The following RGPD1 variants were observed in gnomAD, a reference collection of about 807,000 sequenced individuals.
RGPD1 encodes RANBP2-like and GRIP domain-containing protein 1.
A neutral mutation model predicts 40.6 loss-of-function variants in RGPD1; 7 were observed. That is an observed-to-expected ratio of 0.17 (90% CI 0.10 to 0.32). RGPD1 has a LOEUF of 0.32. RGPD1 is among the 10% of genes least tolerant of loss of function. The probability of loss-of-function intolerance (pLI) is 1.00; values close to 1 mark genes in which losing one functional copy is unlikely to be tolerated. For synonymous variants in RGPD1, 24 were observed against 167.0 expected, an observed-to-expected ratio of 0.14 and a Z score of 6.60; for missense variants, 50 against 472.5, an observed-to-expected ratio of 0.11 and a Z score of 8.29.
chr2:86,962,507 C>CA (rs61486857), intron 6 of RGPD1, among the ~76,000 whole-genome samples: 307 of 29,816 alleles, frequency 0.01, 16 homozygotes, highest in Admixed American at 0.013. Context: ...GACTCTGTCT[C>CA]AAAAAAAAAA....
At chr2:86,942,356 GGCCTCGACCTGGCCGGGCGGC>G (rs1219011056) in intron 1 of RGPD1, 48 bp downstream of exon 1, 3 of 1,377,410 alleles carry the variant, frequency 2.2e-6, no homozygotes, top group Admixed American at 4.7e-5. Flanking sequence ...GCCGGGCGGC[GGCCTCGACCTGGCCGGGCGGC>G]GGCCTCGACC....
At chr2:86,929,950 C>G (rs1678799064) in intron 1 of RGPD1, among the ~76,000 whole-genome samples, 1 of 141,498 alleles carries the variant, frequency 7.1e-6, no homozygotes, top group Non-Finnish European at 1.6e-5. Context: ...GTCCCCTTCA[C>G]TGGAAGACAG....
Position 86,933,364 on chromosome 2 carries a change from T to C in RGPD1, c.73-17932T>C, listed in dbSNP as rs747968392. Among the ~76,000 whole-genome samples the C allele has an allele frequency of 6.0e-5, 9 of 150,800 alleles. 1 individual carries two copies. The Middle Eastern group carries it at 0.01, about 176-fold the overall frequency. ...GTATAAAACAACTAAAAATTAAATA[T>C]AGTCTTTAGAAATGATTTTGTTTAG... On this transcript the variant is annotated intron_variant, in intron 1 of 22. Transcript: ENST00000398193.
intron 1 of RGPD1, 81 bp downstream of exon 1, chr2:86,942,389 G>A: frequency 9.8e-7 from 1 of 1,019,202 alleles, no homozygotes; most frequent in Non-Finnish European, 1.2e-6. Context: ...GCCTCGACCT[G>A]GCCGGGCGGC....
chr2:86,914,195 CCTCGGCCTGGCCG>C (rs1454952254), intron 1 of RGPD1, among the ~76,000 whole-genome samples: 29 of 59,720 alleles, frequency 4.9e-4, no homozygotes, highest in African/African-American at 1.1e-3. Context: ...GCGGCGGCGG[CCTCGGCCTGGCCG>C]GGCGGCGGCG....
At chr2:86,925,621 G>GA (rs1372666603) in intron 1 of RGPD1, among the ~76,000 whole-genome samples, 1 of 151,644 alleles carries the variant, frequency 6.6e-6, no homozygotes, top group Non-Finnish European at 1.5e-5. Context: ...GTATATACAG[G>GA]AAAAAAAATG....
intron 1 of RGPD1, among the ~76,000 whole-genome samples, chr2:86,943,763 C>A (rs1680106318): frequency 1.3e-5 from 2 of 152,162 alleles, no homozygotes; most frequent in Admixed American, 1.3e-4. Context: ...GTAATCCCAC[C>A]ACTTTGGGAG....
intron 1 of RGPD1, among the ~76,000 whole-genome samples, chr2:86,924,490 G>A (rs1309727637): frequency 3.3e-5 from 5 of 149,888 alleles, no homozygotes; most frequent in African/African-American, 9.7e-5. Context: ...TTTAAGAGAC[G>A]GGGTGTCACT....
Position 86,986,858 on chromosome 2 carries a change from AAGAG to A in RGPD1, c.3965_3968del (p.Arg1322MetfsTer14). 4.6e-6 allele frequency: 7 copies of A among 1,536,680 alleles called. No individual in the cohort carries two copies. The highest frequency in any genetic ancestry group is 4.6e-5 in the East Asian group (2 of 43,418). On this transcript the variant is annotated frameshift_variant, in exon 20 of 23. Coordinates refer to ENST00000641458, the MANE Select transcript of RGPD1 (RefSeq NM_001382344.1). LOFTEE classifies it high-confidence loss of function. ...GAAGAATCTGATGTTACTCAAGAAG[AAGAG>A]AGAGATGGACAGTACTTTGAACCTG...
In RGPD1 at chr2:86,930,190, G is replaced by A. The variant is rs1426220504; in HGVS notation, c.72+16269G>A. 1.4e-6 allele frequency: 2 copies of A among 1,446,262 alleles called. 1 individual carries two copies. Among genetic ancestry groups the A allele is most frequent in the African/African-American group, 2.8e-5 (2 of 72,014 alleles). 89.6% of individuals were successfully genotyped at this position (1,446,262 alleles called of 1,614,324 possible). ...TGCCCCAGACTCACCCTCCTGATGAGGGAGGGCACTCTGGTGGGAGGAAAC... is the reference window on the plus strand; with the variant it reads ...TGCCCCAGACTCACCCTCCTGATGAAGGAGGGCACTCTGGTGGGAGGAAAC... On this transcript the variant is annotated intron_variant, in intron 1 of 22. Coordinates refer to the RGPD1 transcript ENST00000398193.
At chr2:86,987,984 CTTAG>C (rs1256365185) in intron 20 of RGPD1, among the ~76,000 whole-genome samples, 185 bp downstream of exon 20, 2 of 80,444 alleles carry the variant, frequency 2.5e-5, no homozygotes, top group Admixed American at 1.0e-4. Context: ...AGCAAGAGAA[CTTAG>C]TTAAAGACAT....
chr2:86,941,234 A>G (rs1004526896), upstream of RGPD1, among the ~76,000 whole-genome samples: 29 of 150,702 alleles, frequency 1.9e-4, no homozygotes, highest in Non-Finnish European at 4.0e-4. Context: ...TTGTTTTAAA[A>G]GTAAGATTTT....
intron 1 of RGPD1, among the ~76,000 whole-genome samples, chr2:86,942,718 G>A (rs1481722306): frequency 1.3e-5 from 2 of 149,768 alleles, no homozygotes; most frequent in Middle Eastern, 3.4e-3. Context: ...CCCGGCGGCG[G>A]CCTCGATGGC....
chr2:87,008,939 A>AGAG (rs1201119005), intron 22 of RGPD1, among the ~76,000 whole-genome samples: 1 of 138,534 alleles, frequency 7.2e-6, no homozygotes, highest in Non-Finnish European at 1.6e-5. Flanking sequence ...AAACAGAACA[A>AGAG]GAGTCAAGAA....
intron 21 of RGPD1, among the ~76,000 whole-genome samples, chr2:86,997,029 A>T (rs1681803744): frequency 6.9e-6 from 1 of 145,434 alleles, no homozygotes; most frequent in African/African-American, 2.7e-5. Context: ...CTCCATTTCC[A>T]TGATACCCTG....
At position 86,960,756 on chromosome 2, in the gene RGPD1, A is replaced by AT. The variant is rs1303217670; in HGVS notation, c.780-2267dup. On this transcript the variant is annotated intron_variant, in intron 6 of 22. Transcript: ENST00000641458. ...AGGTGCCCGCCACCACACCCAGCTA[A>AT]TTTTTTGTATTTTTAGTAGAGATGG... Among the ~76,000 whole-genome samples, 4 of 78,366 alleles carry AT rather than the reference A, an allele frequency of 5.1e-5. 1 individual carries two copies. Among genetic ancestry groups the AT allele is most frequent in the Non-Finnish European group, 9.0e-5 (4 of 44,586 alleles). 51.4% of individuals were successfully genotyped at this position (78,366 alleles called of 152,430 possible). A position where few individuals can be genotyped will look rare whatever the true frequency, so the allele number is the denominator to read the frequency against.
upstream of RGPD1, among the ~76,000 whole-genome samples, chr2:86,938,627 A>G (rs62148277): frequency 6.6e-6 from 1 of 151,756 alleles, no homozygotes; most frequent in African/African-American, 2.4e-5. Context: ...AATAAATAAA[A>G]AGAATTCCTT....
intron 1 of RGPD1, among the ~76,000 whole-genome samples, chr2:86,927,491 CA>C (rs1306837262): frequency 6.6e-6 from 1 of 150,392 alleles, no homozygotes; most frequent in East Asian, 1.9e-4. Context: ...TAAACACTGG[CA>C]AAAGAACTCT....
chr2:86,914,498 T>TGCG (rs1203248392), intron 1 of RGPD1, among the ~76,000 whole-genome samples: 2 of 1,456 alleles, frequency 1.4e-3, no homozygotes, highest in Admixed American at 0.011. Context: ...CTGGCCGGGC[T>TGCG]GCGGCGGCGG....
Sources: gnomAD v4.1 joint callset for allele counts (sites outside exome capture counted in the v4.1 genomes callset) on GRCh38, gnomAD v4.1.1 for gene constraint, MANE v1.5 for transcripts, NCBI Gene and HGNC (gene_info 2026-07-23, HGNC 2026-07-21) for gene names.